PSD3: variants seen among roughly 807,000 people sequenced by gnomAD.
PSD3 encodes the protein PH and SEC7 domain-containing protein 3.
PSD3 carries 49 observed loss-of-function variants against 105.5 expected under a neutral mutation model. The ratio of observed to expected loss-of-function variants is 0.46; its 90% CI spans 0.37 to 0.59. The LOEUF (loss-of-function observed/expected upper bound fraction) is 0.59, where lower values mean the gene tolerates loss of function less well. Among genes scored for constraint, PSD3 ranks in the 20% least tolerant of loss-of-function variants. PSD3 has a pLI of 0.00. For missense variants in PSD3, 1,561 were observed against 1,263.8 expected (o/e 1.24, Z -3.57); for synonymous variants, 557 against 457.8 (o/e 1.22, Z -2.77).
intron 1 of PSD3, among the ~76,000 whole-genome samples, chr8:18,944,080 T>C (rs532905431): frequency 2.6e-5 from 4 of 152,332 alleles, no homozygotes; most frequent in Admixed American, 6.5e-5. Context: ...CTTTCATGAC[T>C]ATGATGGTTT....
At chr8:18,655,523 G>A (rs1235960481) in intron 10 of PSD3, 119 bp downstream of exon 10, 4 of 951,452 alleles carry the variant, frequency 4.2e-6, no homozygotes, top group East Asian at 2.4e-5. Flanking sequence ...GACACTTGGT[G>A]TAAAATGAGA....
intron 1 of PSD3, among the ~76,000 whole-genome samples, chr8:19,012,618 C>T (rs1210737650): frequency 6.6e-6 from 1 of 152,178 alleles, no homozygotes. Context: ...TAAGTCTCTC[C>T]CAGGCAAGCT....
At chr8:18,713,269 T>G (rs539489005) in intron 9 of PSD3, among the ~76,000 whole-genome samples, 1 of 152,268 alleles carries the variant, frequency 6.6e-6, no homozygotes, top group Non-Finnish European at 1.5e-5. Flanking sequence ...AACACAGTAT[T>G]AGACATTCTG....
At chr8:19,065,608 G>C (rs1010334785) in intron 1 of PSD3, among the ~76,000 whole-genome samples, 1 of 152,136 alleles carries the variant, frequency 6.6e-6, no homozygotes, top group Non-Finnish European at 1.5e-5. Flanking sequence ...TATTACAAAG[G>C]GTATTACAAC....
At position 18,725,218 on chromosome 8, in the gene PSD3, C is replaced by T. The variant is rs141709899; in HGVS notation, c.2172+40231G>A. Among the ~76,000 whole-genome samples, 292 of 152,286 alleles carry T rather than the reference C, an allele frequency of 1.9e-3. 6 individuals are homozygous for T. The East Asian group carries it at 0.044, about 23-fold the overall frequency. ...TTAGGTCTAACGCGACGCAAGCCCC[C>T]CAAGAACTCTTTTATTTTTTAGGAA... On this transcript the variant is annotated intron_variant, in intron 9 of 15. Coordinates refer to ENST00000327040, the MANE Select transcript of PSD3 (RefSeq NM_015310.4).
At chr8:18,581,104 T>A (rs1156898726) in intron 12 of PSD3, among the ~76,000 whole-genome samples, 1 of 152,176 alleles carries the variant, frequency 6.6e-6, no homozygotes, top group Non-Finnish European at 1.5e-5. Flanking sequence ...TCAAAGCACT[T>A]GGCTAGCGGA....
intron 2 of PSD3, among the ~76,000 whole-genome samples, chr8:18,905,960 G>A (rs1055258882): frequency 2.0e-5 from 3 of 152,160 alleles, no homozygotes; most frequent in South Asian, 2.1e-4. Flanking sequence ...AATGAGATAC[G>A]CTTTGCAAAA....
At chr8:19,026,991 T>A (rs933747377) in intron 1 of PSD3, among the ~76,000 whole-genome samples, 1 of 152,198 alleles carries the variant, frequency 6.6e-6, no homozygotes, top group Non-Finnish European at 1.5e-5. Flanking sequence ...TGTTTAAGAA[T>A]TTCTTTGATT....
At chr8:18,576,736 A>G (rs1802483121) in intron 12 of PSD3, among the ~76,000 whole-genome samples, 1 of 152,082 alleles carries the variant, frequency 6.6e-6, no homozygotes. Flanking sequence ...AGACAAAAAC[A>G]TGAGGTAGGT....
At chr8:18,971,242 T>C (rs902934404) in intron 1 of PSD3, among the ~76,000 whole-genome samples, 1 of 152,158 alleles carries the variant, frequency 6.6e-6, no homozygotes, top group African/African-American at 2.4e-5. Context: ...GGAAGCTCCC[T>C]GTCTCTGGGA....
rs1052186243 is a variant in PSD3 at position 18,539,373 on chromosome 8, C to T, written c.2929-3415G>A. On this transcript the variant is annotated intron_variant, in intron 15 of 15. Transcript: ENST00000327040. ...TTCTCTTTCTGGGCAGTAGGAAGGT[C>T]ATATTTCTTAACTATGCAACAGCAT... Among the ~76,000 whole-genome samples the T allele has an allele frequency of 2.0e-5, 3 of 152,118 alleles. No homozygotes were observed. The East Asian group carries it at 5.8e-4, about 29-fold the overall frequency.
At chr8:18,865,675 T>G (rs1816873648) in intron 4 of PSD3, among the ~76,000 whole-genome samples, 1 of 151,870 alleles carries the variant, frequency 6.6e-6, no homozygotes, top group Admixed American at 6.6e-5. Context: ...ACAGTAGGAG[T>G]GCCCAGACTC....
In PSD3 at chr8:18,527,511, T is replaced by G. The variant is rs935374244; in HGVS notation, c.*8232A>C. ...TATTCATAAACATTTACACAATAAA[T>G]GTACTCTATATATCACAGCTTCTAT... On this transcript the variant is annotated 3_prime_UTR_variant, in exon 16 of 16. Coordinates refer to ENST00000327040, the MANE Select transcript of PSD3 (RefSeq NM_015310.4). The G allele has an allele frequency of 4.6e-5, 7 of 152,656 alleles. No homozygotes were observed. Among genetic ancestry groups the G allele is most frequent in the African/African-American group, 1.7e-4 (7 of 41,452 alleles). 9.5% of individuals were successfully genotyped at this position (152,656 alleles called of 1,614,324 possible).
chr8:18,883,177 C>T (rs74829183), intron 2 of PSD3, among the ~76,000 whole-genome samples: 1,563 of 152,236 alleles, frequency 0.01, 13 homozygotes, highest in Middle Eastern at 0.02. Flanking sequence ...GAGAAACACA[C>T]CTCCAGAAAA....
intron 8 of PSD3, among the ~76,000 whole-genome samples, chr8:18,789,463 T>G (rs1563269989): frequency 6.6e-6 from 1 of 152,220 alleles, no homozygotes. Flanking sequence ...AATGGGTTTT[T>G]AATGATTTAA....
intron 9 of PSD3, among the ~76,000 whole-genome samples, chr8:18,690,855 G>C (rs1395438052): frequency 1.3e-5 from 2 of 152,148 alleles, no homozygotes; most frequent in African/African-American, 4.8e-5. Flanking sequence ...GGTCCAATAA[G>C]GCTTGCCTTC....
At chr8:18,715,229 C>CGTTT (rs1802508587) in intron 9 of PSD3, among the ~76,000 whole-genome samples, 1 of 152,030 alleles carries the variant, frequency 6.6e-6, no homozygotes, top group Non-Finnish European at 1.5e-5. Context: ...CCATGGCACA[C>CGTTT]GTTTACCCAT....
chr8:18,636,280 CAAA>C (rs915678255), intron 10 of PSD3, among the ~76,000 whole-genome samples: 3 of 143,372 alleles, frequency 2.1e-5, no homozygotes, highest in Non-Finnish European at 3.1e-5. Context: ...ATTTTTTTAA[CAAA>C]AAAGTTTTTA....
chr8:18,998,070 T>C (rs1050511662), intron 1 of PSD3, among the ~76,000 whole-genome samples: 3 of 151,852 alleles, frequency 2.0e-5, no homozygotes, highest in Admixed American at 1.3e-4. Flanking sequence ...GCCTGCCTCA[T>C]AGGAGACACT....
Sources: allele counts gnomAD v4.1 joint callset (sites outside exome capture counted in the v4.1 genomes callset), GRCh38; gene constraint gnomAD v4.1.1; transcripts MANE v1.5; gene names NCBI Gene and HGNC (gene_info 2026-07-23, HGNC 2026-07-21).